Variants in CHKA observed in about 807,000 individuals in gnomAD.
CHKA encodes choline kinase alpha.
A neutral mutation model predicts 60.1 loss-of-function variants in CHKA; 34 were observed. The observed-to-expected ratio is 0.57, with a 90% CI of 0.43 to 0.75. The LOEUF (loss-of-function observed/expected upper bound fraction) is 0.75. CHKA is among the 30% of genes least tolerant of loss of function. The pLI is 0.00. For missense variants in CHKA, 563 were observed against 561.3 expected, an observed-to-expected ratio of 1.00 and a Z score of -0.03; for synonymous variants, 217 against 223.1, an observed-to-expected ratio of 0.97 and a Z score of 0.24.
intron 2 of CHKA, among the ~76,000 whole-genome samples, chr11:68,094,434 A>G (rs913708783): frequency 5.9e-5 from 9 of 152,100 alleles, no homozygotes; most frequent in African/African-American, 2.2e-4. Context: ...CCAGCTACTC[A>G]GGAGGCTGAG....
At chr11:68,101,440 G>A (rs942846741) in intron 1 of CHKA, among the ~76,000 whole-genome samples, 3 of 152,218 alleles carry the variant, frequency 2.0e-5, no homozygotes, top group South Asian at 2.1e-4. Context: ...AAAAAACTAT[G>A]AGAACTAATA....
chr11:68,071,269 CTG>C (rs1445593501), intron 4 of CHKA, among the ~76,000 whole-genome samples: 1 of 152,202 alleles, frequency 6.6e-6, no homozygotes, highest in Non-Finnish European at 1.5e-5. Flanking sequence ...ACATTCTACT[CTG>C]ATGTGTTGCA....
intron 11 of CHKA, among the ~76,000 whole-genome samples, chr11:68,061,146 A>G (rs1297733252): frequency 1.8e-5 from 2 of 110,792 alleles, no homozygotes; most frequent in Non-Finnish European, 3.3e-5. Flanking sequence ...TTGTTCTGTC[A>G]CCCAGGCTGG....
intron 10 of CHKA, among the ~76,000 whole-genome samples, chr11:68,063,093 A>T (rs1017875022): frequency 6.6e-6 from 1 of 152,226 alleles, no homozygotes; most frequent in African/African-American, 2.4e-5. Context: ...CTGTTGAGAA[A>T]ACAGTTAAAA....
At chr11:68,064,440 ACTC>A in intron 10 of CHKA, 82 bp downstream of exon 10, 1 of 637,468 alleles carries the variant, frequency 1.6e-6, no homozygotes, top group East Asian at 3.2e-5. Context: ...GCTCTAAAAT[ACTC>A]CTAATTGCAA....
chr11:68,119,356 A>C (rs903304264), intron 1 of CHKA, among the ~76,000 whole-genome samples: 1 of 152,252 alleles, frequency 6.6e-6, no homozygotes, highest in Non-Finnish European at 1.5e-5. Flanking sequence ...AAAAGGAATC[A>C]AATGACCAAA....
chr11:68,113,337 T>C (rs1421558805), intron 1 of CHKA, among the ~76,000 whole-genome samples: 2 of 152,052 alleles, frequency 1.3e-5, no homozygotes, highest in Non-Finnish European at 2.9e-5. Context: ...TCAAAGAAGA[T>C]ATACAGATAG....
intron 2 of CHKA, among the ~76,000 whole-genome samples, chr11:68,091,946 T>G (rs1030134027): frequency 1.3e-5 from 2 of 152,046 alleles, no homozygotes; most frequent in African/African-American, 4.8e-5. Context: ...TAAGGAAAAA[T>G]GCAAAATACT....
intron 7 of CHKA, among the ~76,000 whole-genome samples, chr11:68,068,561 G>T (rs781131428): frequency 6.6e-6 from 1 of 152,050 alleles, no homozygotes; most frequent in Non-Finnish European, 1.5e-5. Context: ...GGGACTACAG[G>T]TGCACACTAC....
At chr11:68,071,505 C>T (rs928585796) in intron 4 of CHKA, among the ~76,000 whole-genome samples, 1 of 152,230 alleles carries the variant, frequency 6.6e-6, no homozygotes, top group East Asian at 1.9e-4. Context: ...TTTGGCTGCC[C>T]TTTTACAGGA....
chr11:68,069,032 C>A, intron 6 of CHKA, 95 bp from the exon 7 acceptor site: 1 of 830,516 alleles, frequency 1.2e-6, no homozygotes. Context: ...ATTCGTGCTC[C>A]AAAGCAACAC....
chr11:68,097,405 C>A (rs540909940), intron 1 of CHKA, among the ~76,000 whole-genome samples: 6 of 152,026 alleles, frequency 3.9e-5, no homozygotes, highest in African/African-American at 1.2e-4. Flanking sequence ...GAGGCCGAGG[C>A]GGGTGGATCA....
intron 2 of CHKA, chr11:68,081,680 T>G (rs1856994341): frequency 2.1e-6 from 1 of 476,142 alleles, no homozygotes; most frequent in Non-Finnish European, 3.8e-6. Flanking sequence ...AAAAGGGATG[T>G]GCCGGTGAGA....
At position 68,098,572 on chromosome 11, in the gene CHKA, C is replaced by T. The variant is rs565820015; in HGVS notation, c.351-1442G>A. On this transcript the variant is annotated intron_variant, in intron 1 of 11. Transcript: ENST00000265689. ...TGGGAAGACGACAACATTCTGGAGA[C>T]GGATGGTGGTGATGGCAGCACAACA... Among the ~76,000 whole-genome samples, 207 of 152,204 alleles carry T rather than the reference C, an allele frequency of 1.4e-3. 1 individual carries two copies. The highest frequency in any genetic ancestry group is 3.4e-3 in the African/African-American group (142 of 41,520).
rs943035504 is a variant in CHKA, at chr11:68,106,379, G to A, written c.351-9249C>T. ...CAGCCTAGGCAACATAACAAGACTC[G>A]ATCTCTACAATTTTTTTTTTTAATT... is the stretch of plus-strand genomic sequence containing the variant. On this transcript the variant is annotated intron_variant, in intron 1 of 11. Transcript: ENST00000265689. 1.6e-4 allele frequency among the ~76,000 whole-genome samples: 24 copies of A among 152,156 alleles called. 1 individual carries two copies. Among genetic ancestry groups the A allele is most frequent in the Admixed American group, 1.4e-3 (21 of 15,290 alleles).
In CHKA at chr11:68,053,727, TA is replaced by T; in HGVS notation, c.*260del. On this transcript the variant is annotated 3_prime_UTR_variant, in exon 12 of 12. Coordinates refer to ENST00000265689, the MANE Select transcript of CHKA (RefSeq NM_001277.3). ...CAAATATGAAATGCCTTCTCTAGAT[TA>T]AAAGGATTCAGAGATGTTGCACTAT... The T allele has an allele frequency of 2.6e-6, 1 of 388,702 alleles. No individual in the cohort carries two copies. Among genetic ancestry groups the T allele is most frequent in the Non-Finnish European group, 4.6e-6 (1 of 215,402 alleles). 24.1% of individuals were successfully genotyped at this position (388,702 alleles called of 1,614,324 possible).
chr11:68,074,552 T>C (rs1856723258), intron 4 of CHKA, among the ~76,000 whole-genome samples, 165 bp downstream of exon 4: 1 of 152,248 alleles, frequency 6.6e-6, no homozygotes, highest in Admixed American at 6.5e-5. Flanking sequence ...GGTTCGGATG[T>C]AAGTACAAAA....
chr11:68,059,156 A>G (rs567404020), intron 11 of CHKA, among the ~76,000 whole-genome samples: 11 of 152,242 alleles, frequency 7.2e-5, no homozygotes, highest in South Asian at 2.1e-4. Context: ...TGGCCTCCCA[A>G]AGTGTTGGGA....
intron 1 of CHKA, among the ~76,000 whole-genome samples, chr11:68,107,749 C>T (rs557454667): frequency 4.3e-4 from 65 of 152,268 alleles, no homozygotes; most frequent in African/African-American, 1.5e-3. Flanking sequence ...CCTTGGAACA[C>T]AGCATGCCTC....
Sources: allele counts gnomAD v4.1 joint callset (sites outside exome capture counted in the v4.1 genomes callset), GRCh38; gene constraint gnomAD v4.1.1; transcripts MANE v1.5; gene names NCBI Gene and HGNC (gene_info 2026-07-23, HGNC 2026-07-21).